Variants in GRID2 observed in about 807,000 individuals in gnomAD.
The protein encoded by GRID2 is glutamate receptor ionotropic, delta-2.
A neutral mutation model predicts 114.8 loss-of-function variants in GRID2; 33 were observed. The observed-to-expected ratio is 0.29, with a 90% CI of 0.22 to 0.38. GRID2 has a LOEUF of 0.38. Ranked by LOEUF, GRID2 falls within the 10% of genes least tolerant of loss-of-function variation. GRID2 has a pLI of 1.00. For synonymous variants in GRID2, 505 were observed against 449.9 expected (o/e 1.12, Z -1.55); for missense variants, 1,184 against 1,257.7 (o/e 0.94, Z 0.89).
chr4:92,754,649 T>A (rs1260731444), intron 2 of GRID2, among the ~76,000 whole-genome samples: 1 of 152,168 alleles, frequency 6.6e-6, no homozygotes, highest in African/African-American at 2.4e-5. Flanking sequence ...TTATTTAGAA[T>A]GATTTATATA....
chr4:92,401,950 T>C (rs149693574), intron 1 of GRID2, among the ~76,000 whole-genome samples: 1 of 152,328 alleles, frequency 6.6e-6, no homozygotes, highest in African/African-American at 2.4e-5. Context: ...TTGGAGTTTA[T>C]TCTCTCACTG....
intron 2 of GRID2, among the ~76,000 whole-genome samples, chr4:92,788,215 C>T (rs1326042576): frequency 6.6e-6 from 1 of 151,546 alleles, no homozygotes; most frequent in East Asian, 2.0e-4. Flanking sequence ...GCAAAGGAGG[C>T]TGAAAAGAAG....
intron 8 of GRID2, among the ~76,000 whole-genome samples, chr4:93,316,341 A>G (rs1461453647): frequency 1.4e-5 from 2 of 140,276 alleles, no homozygotes; most frequent in East Asian, 4.1e-4. Context: ...AGAAAGAAAG[A>G]AGGAAGGAAG....
chr4:92,439,870 T>A (rs1344645890), intron 1 of GRID2, among the ~76,000 whole-genome samples: 2 of 145,406 alleles, frequency 1.4e-5, no homozygotes, highest in Admixed American at 6.9e-5. Context: ...TGTGATGGCT[T>A]GGAGAAACAG....
intron 1 of GRID2, among the ~76,000 whole-genome samples, chr4:92,368,669 T>G (rs1037217467): frequency 4.6e-5 from 7 of 152,032 alleles, no homozygotes; most frequent in African/African-American, 1.7e-4. Context: ...ATTATTGTGT[T>G]TTGTTGGAGG....
At chr4:92,529,260 C>T (rs1006339978) in intron 1 of GRID2, among the ~76,000 whole-genome samples, 51 of 151,736 alleles carry the variant, frequency 3.4e-4, no homozygotes, top group Admixed American at 2.2e-3. Context: ...GTTTTTGAAG[C>T]GCTTACAATG....
chr4:92,991,796 A>T (rs1560776522), intron 2 of GRID2, among the ~76,000 whole-genome samples: 1 of 152,216 alleles, frequency 6.6e-6, no homozygotes, highest in Non-Finnish European at 1.5e-5. Flanking sequence ...AGGCCTGAGT[A>T]CAAATACACA....
chr4:93,075,382 A>G (rs1327730581), intron 2 of GRID2, among the ~76,000 whole-genome samples: 1 of 152,196 alleles, frequency 6.6e-6, no homozygotes, highest in Admixed American at 6.5e-5. Context: ...CAATTGTGAA[A>G]AACTGAATAT....
At chr4:93,453,329 AGAGAGAGAGAGAG>A (rs1162871178) in intron 10 of GRID2, among the ~76,000 whole-genome samples, 1 of 69,204 alleles carries the variant, frequency 1.4e-5, no homozygotes, top group Non-Finnish European at 4.8e-5. Flanking sequence ...AGAGAGAGAG[AGAGAGAGAGAGAG>A]AGAGAGAGAG....
chr4:93,303,884 T>A (rs79579076), intron 8 of GRID2, among the ~76,000 whole-genome samples: 1 of 152,140 alleles, frequency 6.6e-6, no homozygotes, highest in African/African-American at 2.4e-5. Flanking sequence ...GGTATTACCA[T>A]TTCATAAAAC....
At chr4:93,599,194 T>C (rs1005289948) in intron 13 of GRID2, among the ~76,000 whole-genome samples, 15 of 152,200 alleles carry the variant, frequency 9.9e-5, no homozygotes, top group Admixed American at 1.3e-4. Flanking sequence ...TGGACTTGAA[T>C]GTGAATCACC....
rs374330615 is a variant in GRID2 at position 92,910,435 on chromosome 4, GT to G, written c.245-174559del. Reference sequence around the variant, plus strand: ...GATTTCCCATAGAGAGCCAATAGTGGTAATTAAGCATTTGATTTACATGATT... The same window carrying G: ...GATTTCCCATAGAGAGCCAATAGTGGAATTAAGCATTTGATTTACATGATT... On this transcript the variant is annotated intron_variant, in intron 2 of 15. Coordinates refer to ENST00000282020, the MANE Select transcript of GRID2 (RefSeq NM_001510.4). Among the ~76,000 whole-genome samples the G allele has an allele frequency of 9.9e-5, 15 of 152,156 alleles. No homozygotes were observed. The East Asian group carries it at 2.3e-3, about 24-fold the overall frequency.
intron 1 of GRID2, among the ~76,000 whole-genome samples, chr4:92,376,542 G>A (rs567256317): frequency 6.6e-6 from 1 of 152,058 alleles, no homozygotes; most frequent in Non-Finnish European, 1.5e-5. Flanking sequence ...GAGGAAAGTG[G>A]CCCTCTTCTC....
intron 1 of GRID2, among the ~76,000 whole-genome samples, chr4:92,499,922 G>A (rs1238539292): frequency 6.6e-6 from 1 of 152,198 alleles, no homozygotes; most frequent in Non-Finnish European, 1.5e-5. Flanking sequence ...GCCTATGAAT[G>A]TTTTTATACA....
chr4:93,656,422 C>A (rs1392587710), intron 14 of GRID2, among the ~76,000 whole-genome samples: 1 of 151,006 alleles, frequency 6.6e-6, no homozygotes, highest in Non-Finnish European at 1.5e-5. Flanking sequence ...TATTAATTAA[C>A]CTATTTGCTA....
chr4:92,996,416 G>T (rs1051692948), intron 2 of GRID2, among the ~76,000 whole-genome samples: 2 of 152,108 alleles, frequency 1.3e-5, no homozygotes, highest in Non-Finnish European at 2.9e-5. Flanking sequence ...GCACTCACGT[G>T]TGTGTATATG....
At chr4:92,510,005 C>T (rs1724165299) in intron 1 of GRID2, among the ~76,000 whole-genome samples, 1 of 151,872 alleles carries the variant, frequency 6.6e-6, no homozygotes, top group African/African-American at 2.4e-5. Flanking sequence ...CATATTCTGA[C>T]ATATACTTTC....
chr4:92,354,152 C>G (rs142175118), intron 1 of GRID2, among the ~76,000 whole-genome samples: 83 of 152,100 alleles, frequency 5.5e-4, no homozygotes, highest in African/African-American at 1.9e-3. Flanking sequence ...CAGGGACCAG[C>G]GTTCCTCACT....
In GRID2 at chr4:92,883,411, A is replaced by T. The variant is rs537798259; in HGVS notation, c.245-201584A>T. 1.3e-3 allele frequency among the ~76,000 whole-genome samples: 201 copies of T among 152,150 alleles called. 1 individual carries two copies. The highest frequency in any genetic ancestry group is 2.4e-3 in the Non-Finnish European group (161 of 67,990). ...TGAGGGTTGGAATAAACTTCTCCCA[A>T]ACTCCTTTTAATGTTGATATTTTGA... On this transcript the variant is annotated intron_variant, in intron 2 of 15. Coordinates refer to ENST00000282020, the MANE Select transcript of GRID2 (RefSeq NM_001510.4).
Sources: gnomAD v4.1 joint callset for allele counts (sites outside exome capture counted in the v4.1 genomes callset) on GRCh38, gnomAD v4.1.1 for gene constraint, MANE v1.5 for transcripts, NCBI Gene and HGNC (gene_info 2026-07-23, HGNC 2026-07-21) for gene names.